Variants in SH2B3 observed in about 807,000 individuals in gnomAD.
SH2B3 encodes the protein SH2B adaptor protein 3.
In SH2B3, 43 loss-of-function variants were observed where a neutral mutation model predicts 51.9. The ratio of observed to expected loss-of-function variants is 0.83; its 90% CI spans 0.65 to 1.07. The LOEUF (loss-of-function observed/expected upper bound fraction) is 1.07, where lower values mean the gene tolerates loss of function less well. Among genes scored for constraint, SH2B3 ranks in the 50% least tolerant of loss-of-function variants. The probability of loss-of-function intolerance (pLI) is 0.00; values close to 1 mark genes in which losing one functional copy is unlikely to be tolerated. For synonymous variants in SH2B3, 396 were observed against 376.0 expected (o/e 1.05, Z -0.62); for missense variants, 952 against 834.3 (o/e 1.14, Z -1.74).
intron 2 of SH2B3, among the ~76,000 whole-genome samples, chr12:111,425,911 C>A (rs1033287298): frequency 6.6e-5 from 10 of 152,218 alleles, no homozygotes; most frequent in African/African-American, 1.9e-4. Context: ...ACGACCGACA[C>A]TCTTGCAACA....
rs537932422 is a variant in SH2B3, at chr12:111,448,011, CTCCCTTCCTCACTGGGATTCAGAG to C, written c.1454_1477del (p.Asp485_Trp492del). 1,382 of 1,612,630 alleles carry C rather than the reference CTCCCTTCCTCACTGGGATTCAGAG, an allele frequency of 8.6e-4. 4 individuals carry two copies. Among genetic ancestry groups the C allele is most frequent in the South Asian group, 2.5e-3 (227 of 90,908 alleles). On this transcript the variant is annotated inframe_deletion, in exon 8 of 8. Transcript: ENST00000341259. Reference sequence around the variant, plus strand: ...CCTGCAACACGGTCCTCTTCCCTTTCTCCCTTCCTCACTGGGATTCAGAGTCCCTTCCTCACTGGGGTTCAGAGT... The same window carrying C: ...CCTGCAACACGGTCCTCTTCCCTTTCTCCCTTCCTCACTGGGGTTCAGAGT...
intron 2 of SH2B3, among the ~76,000 whole-genome samples, chr12:111,422,835 C>T (rs1871664667): frequency 6.6e-6 from 1 of 152,072 alleles, no homozygotes; most frequent in Non-Finnish European, 1.5e-5. Context: ...ACTGGGATTA[C>T]AGGCGTGAGC....
rs1871315917 is a variant in SH2B3, at chr12:111,418,844, C to T, written c.699C>T (p.Pro233=). The T allele has an allele frequency of 7.1e-7, 1 of 1,418,096 alleles. No individual in the cohort carries two copies. The highest frequency in any genetic ancestry group is 9.1e-7 in the Non-Finnish European group (1 of 1,099,944). 87.8% of individuals were successfully genotyped at this position (1,418,096 alleles called of 1,614,324 possible). A position where few individuals can be genotyped will look rare whatever the true frequency, so the allele number is the denominator to read the frequency against. ...GCCGGGCCCCGGGCCCCGATGGCCCCGACCGCGTGCTGGAGCTCTTCGACC... is the reference window on the plus strand; with the variant it reads ...GCCGGGCCCCGGGCCCCGATGGCCCTGACCGCGTGCTGGAGCTCTTCGACC... ...ALRRAPGPDG[P]DRVLELFDPP... Residue 233 remains proline (P), a synonymous_variant, in exon 2 of 8, where the codon CCC becomes CCT. Coordinates refer to ENST00000341259, the MANE Select transcript of SH2B3 (RefSeq NM_005475.3). This position sits in a 1 kb window ranked among gnomAD's most constrained non-coding sequence, Gnocchi z 6.7.
Position 111,418,445 on chromosome 12 carries a change from C to T in SH2B3, c.300C>T (p.Ala100=). The change falls in exon 2 of 8, where the codon GCC becomes GCT. Residue 100 remains alanine (A), a synonymous_variant. Coordinates refer to ENST00000341259, the MANE Select transcript of SH2B3 (RefSeq NM_005475.3). The surrounding 1 kb of genome is among the most constrained non-coding windows in gnomAD (Gnocchi z 6.7). ...RDTGRGPPAK[A]EASPEPGPGP... is the part of the protein sequence containing the mutation. Reference sequence around the variant, plus strand: ...CAGGCCGTGGGCCCCCAGCCAAGGCCGAGGCGTCCCCGGAGCCAGGCCCCG... The same window carrying T: ...CAGGCCGTGGGCCCCCAGCCAAGGCTGAGGCGTCCCCGGAGCCAGGCCCCG... 2.1e-6 allele frequency: 3 copies of T among 1,418,656 alleles called. No homozygotes were observed. Among genetic ancestry groups the T allele is most frequent in the Non-Finnish European group, 2.7e-6 (3 of 1,091,902 alleles). 87.9% of individuals were successfully genotyped at this position (1,418,656 alleles called of 1,614,324 possible).
rs373952210 is a variant in SH2B3 at position 111,421,381 on chromosome 12, T to G, written c.732+2504T>G. 2.9e-4 allele frequency among the ~76,000 whole-genome samples: 44 copies of G among 150,226 alleles called. 1 individual carries two copies. The South Asian group carries it at 9.1e-3, about 31-fold the overall frequency. ...TTTTAGAGATTGATCACATTGATCGTACATGTCAATAGTGTCTTCCTTTTT... is the reference window on the plus strand; with the variant it reads ...TTTTAGAGATTGATCACATTGATCGGACATGTCAATAGTGTCTTCCTTTTT... On this transcript the variant is annotated intron_variant, in intron 2 of 7. Transcript: ENST00000341259.
At chr12:111,431,376 C>G (rs957673444) in intron 2 of SH2B3, among the ~76,000 whole-genome samples, 1 of 152,174 alleles carries the variant, frequency 6.6e-6, no homozygotes, top group Admixed American at 6.5e-5. Flanking sequence ...ATCTGGGTAC[C>G]CCATGTAATC....
chr12:111,414,966 C>T (rs549884518), intron 1 of SH2B3, among the ~76,000 whole-genome samples: 1 of 152,336 alleles, frequency 6.6e-6, no homozygotes, highest in East Asian at 1.9e-4. Flanking sequence ...ATACGTGTCC[C>T]CCTTTGTAAT....
At chr12:111,443,886 G>A (rs1873668680) in intron 2 of SH2B3, 1 of 152,262 alleles carries the variant, frequency 6.6e-6, no homozygotes, top group Non-Finnish European at 1.5e-5. Flanking sequence ...GGTCAGGGCT[G>A]AATCTTAAAA....
chr12:111,443,530 CT>C (rs1873637727), intron 2 of SH2B3: 1 of 152,222 alleles, frequency 6.6e-6, no homozygotes, highest in African/African-American at 2.4e-5. Flanking sequence ...AGTGACAGTC[CT>C]TTGTTGTCCC....
In SH2B3 at chr12:111,435,622, G is replaced by A. The variant is rs1872800303; in HGVS notation, c.733-11131G>A. On this transcript the variant is annotated intron_variant, in intron 2 of 7. Transcript: ENST00000341259. The surrounding 1 kb of genome is among the most constrained non-coding windows in gnomAD (Gnocchi z 4.8). ...GATCCGCCCATCTTGACCTCCCAAAGTGCTCGTTACAGGCGTGAACAACCC... is the reference window on the plus strand; with the variant it reads ...GATCCGCCCATCTTGACCTCCCAAAATGCTCGTTACAGGCGTGAACAACCC... Among the ~76,000 whole-genome samples the A allele has an allele frequency of 6.6e-6, 1 of 152,164 alleles. No homozygotes were observed. The highest frequency in any genetic ancestry group is 1.5e-5 in the Non-Finnish European group (1 of 68,022).
At chr12:111,434,292 C>T (rs1291698295) in intron 2 of SH2B3, among the ~76,000 whole-genome samples, 2 of 152,212 alleles carry the variant, frequency 1.3e-5, no homozygotes, top group Non-Finnish European at 2.9e-5. Flanking sequence ...TAGAAAAAAA[C>T]CTTGGAGCAG....
chr12:111,410,789 A>G lies in SH2B3; in HGVS notation c.-28+4512A>G, dbSNP rs966232735. ...GGGCATCTCTGCGTCTGGCAACTTG[A>G]ATGCTGTGAAAGGGCAGCAGGCCGC... On this transcript the variant is annotated intron_variant, in intron 1 of 7. Transcript: ENST00000341259. The surrounding 1 kb of genome is among the most constrained non-coding windows in gnomAD (Gnocchi z 4.9). Among the ~76,000 whole-genome samples the G allele has an allele frequency of 6.6e-6, 1 of 152,168 alleles. No homozygotes were observed. Among genetic ancestry groups the G allele is most frequent in the African/African-American group, 2.4e-5 (1 of 41,444 alleles).
intron 2 of SH2B3, among the ~76,000 whole-genome samples, chr12:111,420,659 A>G (rs1371833916): frequency 6.6e-6 from 1 of 152,260 alleles, no homozygotes; most frequent in Non-Finnish European, 1.5e-5. Context: ...CATTCGACAG[A>G]TATTTATGGA....
intron 1 of SH2B3, among the ~76,000 whole-genome samples, chr12:111,413,535 G>A (rs1870861191): frequency 6.6e-6 from 1 of 152,244 alleles, no homozygotes; most frequent in South Asian, 2.1e-4. Flanking sequence ...CCTGGAGTGG[G>A]CGCAGCTGTT....
At chr12:111,420,241 G>A (rs148273842) in intron 2 of SH2B3, among the ~76,000 whole-genome samples, 5 of 152,068 alleles carry the variant, frequency 3.3e-5, no homozygotes, top group African/African-American at 4.8e-5. Flanking sequence ...GGTGGTGTAC[G>A]CCTGTGGTCC....
intron 4 of SH2B3, 41 bp downstream of exon 4, chr12:111,447,074 C>T (rs1261258063): frequency 6.2e-7 from 1 of 1,606,588 alleles, no homozygotes; most frequent in Non-Finnish European, 8.5e-7. Flanking sequence ...ACCTTTGCTG[C>T]TACCACCCCT....
At chr12:111,430,598 T>C (rs1872394032) in intron 2 of SH2B3, among the ~76,000 whole-genome samples, 1 of 151,948 alleles carries the variant, frequency 6.6e-6, no homozygotes, top group Admixed American at 6.6e-5. Flanking sequence ...AGGGTCAGGG[T>C]CCAGGGGCGA....
chr12:111,434,752 C>T (rs1269379307), intron 2 of SH2B3: 1 of 1,425,320 alleles, frequency 7.0e-7, no homozygotes, highest in Non-Finnish European at 9.2e-7. Context: ...ATCCAGCTGG[C>T]TTTTGTTATG....
chr12:111,447,092 C>A, intron 4 of SH2B3, 33 bp from the exon 5 acceptor site: 1 of 1,609,596 alleles, frequency 6.2e-7, no homozygotes, highest in Non-Finnish European at 8.5e-7. Flanking sequence ...CCTGACCTGC[C>A]CAGATCCTTA....
Sources: gnomAD v4.1 joint callset for allele counts (sites outside exome capture counted in the v4.1 genomes callset) on GRCh38, gnomAD v4.1.1 for gene constraint, Gnocchi (gnomAD v3.1) non-coding constraint, MANE v1.5 for transcripts, NCBI Gene and HGNC (gene_info 2026-07-23, HGNC 2026-07-21) for gene names.